Variants in SPOCK1 observed in about 807,000 individuals in gnomAD.
SPOCK1 encodes SPARC (osteonectin), cwcv and kazal like domains proteoglycan 1.
Under a neutral mutation model 55.3 loss-of-function variants are expected in SPOCK1, and 23 were observed. The observed-to-expected ratio is 0.42, with a 90% CI of 0.30 to 0.59. The LOEUF is 0.59. SPOCK1 is among the 20% of genes least tolerant of loss of function. SPOCK1 has a pLI of 0.22. For missense variants in SPOCK1, 499 were observed against 552.5 expected, an observed-to-expected ratio of 0.90 and a Z score of 0.97; for synonymous variants, 226 against 221.0, an observed-to-expected ratio of 1.02 and a Z score of -0.20.
chr5:137,173,543 T>A (rs1322878586), intron 3 of SPOCK1, among the ~76,000 whole-genome samples: 2 of 152,182 alleles, frequency 1.3e-5, no homozygotes, highest in African/African-American at 2.4e-5. Context: ...CCAAAAATAT[T>A]TTTCTAAGAC....
At chr5:137,318,749 C>T (rs1330428341) in intron 2 of SPOCK1, among the ~76,000 whole-genome samples, 6 of 152,168 alleles carry the variant, frequency 3.9e-5, no homozygotes, top group Non-Finnish European at 5.9e-5. Flanking sequence ...AAAGCTAAGA[C>T]TCTAAAAACC....
chr5:137,093,420 T>G (rs1372536380), intron 5 of SPOCK1, among the ~76,000 whole-genome samples: 1 of 152,358 alleles, frequency 6.6e-6, no homozygotes, highest in East Asian at 1.9e-4. Context: ...AATTTTTTAT[T>G]CACAGTGTTT....
At chr5:137,221,929 G>A (rs1755854962) in intron 3 of SPOCK1, among the ~76,000 whole-genome samples, 1 of 152,162 alleles carries the variant, frequency 6.6e-6, no homozygotes, top group Non-Finnish European at 1.5e-5. Flanking sequence ...CAGGGCTCAG[G>A]CACTGGGTTT....
At chr5:137,453,548 A>G (rs1320177395) in intron 2 of SPOCK1, among the ~76,000 whole-genome samples, 3 of 152,158 alleles carry the variant, frequency 2.0e-5, no homozygotes, top group Non-Finnish European at 2.9e-5. Flanking sequence ...GCAATTTTCT[A>G]TTTCATTCAG....
intron 2 of SPOCK1, among the ~76,000 whole-genome samples, chr5:137,286,831 T>A (rs1326493144): frequency 6.6e-6 from 1 of 152,196 alleles, no homozygotes; most frequent in Non-Finnish European, 1.5e-5. Flanking sequence ...TCACACACAG[T>A]ATGAATTAAC....
intron 5 of SPOCK1, among the ~76,000 whole-genome samples, chr5:137,078,012 G>A (rs574873482): frequency 2.4e-4 from 36 of 152,100 alleles, no homozygotes; most frequent in African/African-American, 8.7e-4. Flanking sequence ...GAAGGAGAGA[G>A]CAAGAAAAGA....
At chr5:137,129,236 C>CT (rs1362440905) in intron 4 of SPOCK1, among the ~76,000 whole-genome samples, 1 of 152,170 alleles carries the variant, frequency 6.6e-6, no homozygotes, top group East Asian at 1.9e-4. Flanking sequence ...CACCGAGCTC[C>CT]TTCTCTTCTT....
chr5:137,250,007 G>A (rs1485460654), intron 3 of SPOCK1, among the ~76,000 whole-genome samples: 3 of 152,158 alleles, frequency 2.0e-5, no homozygotes, highest in Admixed American at 2.0e-4. Flanking sequence ...AATAATCTAT[G>A]GCCCACAGCC....
intron 3 of SPOCK1, among the ~76,000 whole-genome samples, chr5:137,142,779 T>C (rs535903254): frequency 1.3e-5 from 2 of 152,320 alleles, no homozygotes; most frequent in South Asian, 2.1e-4. Context: ...TGGTCCTAAG[T>C]GGAACTCTTT....
intron 2 of SPOCK1, among the ~76,000 whole-genome samples, chr5:137,343,093 A>G (rs1023173775): frequency 1.2e-4 from 18 of 152,242 alleles, no homozygotes; most frequent in Admixed American, 1.3e-4. Flanking sequence ...GAAGGCCTTC[A>G]ATCAAGTGCA....
At chr5:137,341,978 T>C (rs1042979475) in intron 2 of SPOCK1, among the ~76,000 whole-genome samples, 4 of 152,242 alleles carry the variant, frequency 2.6e-5, no homozygotes, top group African/African-American at 9.6e-5. Context: ...TCCTTTACCA[T>C]GTGACTGTGC....
chr5:137,448,978 G>C (rs1289608213), intron 2 of SPOCK1, among the ~76,000 whole-genome samples: 1 of 152,220 alleles, frequency 6.6e-6, no homozygotes, highest in Non-Finnish European at 1.5e-5. Context: ...TGCCAGGGAA[G>C]TGAGACAGCA....
intron 6 of SPOCK1, among the ~76,000 whole-genome samples, chr5:137,032,976 TCA>T (rs907162224): frequency 1.3e-5 from 2 of 152,184 alleles, no homozygotes; most frequent in Non-Finnish European, 2.9e-5. Context: ...AACTCGGCCC[TCA>T]CAGCCTCAGT....
intron 5 of SPOCK1, among the ~76,000 whole-genome samples, chr5:137,071,537 G>A (rs753328795): frequency 2.6e-5 from 4 of 152,078 alleles, no homozygotes; most frequent in Admixed American, 6.5e-5. Flanking sequence ...CTGTTACTAA[G>A]CTTGACAACT....
chr5:137,197,761 G>C (rs1167151555), intron 3 of SPOCK1, among the ~76,000 whole-genome samples: 1 of 152,148 alleles, frequency 6.6e-6, no homozygotes. Context: ...GTTTGACCAT[G>C]GGCAAGTTAC....
At chr5:137,394,347 G>T (rs1751795604) in intron 2 of SPOCK1, among the ~76,000 whole-genome samples, 1 of 152,158 alleles carries the variant, frequency 6.6e-6, no homozygotes, top group Admixed American at 6.5e-5. Context: ...TAATTCACTA[G>T]CATCTCTGAA....
chr5:136,980,940 A>G (rs1750718306), intron 9 of SPOCK1, among the ~76,000 whole-genome samples: 1 of 150,594 alleles, frequency 6.6e-6, no homozygotes, highest in African/African-American at 2.5e-5. Context: ...CCTGGTTTTG[A>G]TTTTGGTTTT....
intron 6 of SPOCK1, among the ~76,000 whole-genome samples, chr5:137,036,416 T>C (rs896443206): frequency 1.3e-5 from 2 of 152,164 alleles, no homozygotes; most frequent in South Asian, 2.1e-4. Context: ...CATCTGCTCC[T>C]GTGTCCTCCT....
intron 2 of SPOCK1, among the ~76,000 whole-genome samples, chr5:137,293,985 G>A (rs1363295616): frequency 6.6e-6 from 1 of 152,226 alleles, no homozygotes; most frequent in African/African-American, 2.4e-5. Context: ...CTGCACTCCA[G>A]CCTGGGTGAC....
Sources: gnomAD v4.1 joint callset for allele counts (sites outside exome capture counted in the v4.1 genomes callset) on GRCh38, gnomAD v4.1.1 for gene constraint, MANE v1.5 for transcripts, NCBI Gene and HGNC (gene_info 2026-07-23, HGNC 2026-07-21) for gene names.